WWOX: variants seen among roughly 807,000 people sequenced by gnomAD.
The protein encoded by WWOX is WW domain-containing oxidoreductase.
Under a neutral mutation model 46.2 loss-of-function variants are expected in WWOX, and 69 were observed. The observed-to-expected ratio is 1.49, with a 90% CI of 1.23 to 1.82. The LOEUF (loss-of-function observed/expected upper bound fraction) is 1.82. Ranked by LOEUF, WWOX falls within the 40% of genes most tolerant of loss-of-function variation. The pLI, the probability that WWOX is intolerant of heterozygous loss-of-function variation, is 0.00. For synonymous variants in WWOX, 359 were observed against 202.6 expected (o/e 1.77, Z -6.56); for missense variants, 919 against 542.6 (o/e 1.69, Z -6.89).
At chr16:78,426,966 T>A (rs144591511) in intron 7 of WWOX, among the ~76,000 whole-genome samples, 1 of 152,196 alleles carries the variant, frequency 6.6e-6, no homozygotes, top group Non-Finnish European at 1.5e-5. Flanking sequence ...CCGGCCTCTT[T>A]GCACATTATT....
chr16:78,201,159 C>T (rs1195848645), intron 5 of WWOX, among the ~76,000 whole-genome samples: 1 of 152,134 alleles, frequency 6.6e-6, no homozygotes, highest in African/African-American at 2.4e-5. Context: ...AAAATGTACT[C>T]ATTAATGTGG....
intron 5 of WWOX, among the ~76,000 whole-genome samples, chr16:78,176,367 C>A (rs377368814): frequency 1.3e-5 from 2 of 152,162 alleles, no homozygotes; most frequent in Non-Finnish European, 2.9e-5. Context: ...AGCTGGAGAG[C>A]GTGCAGACTC....
intron 8 of WWOX, among the ~76,000 whole-genome samples, chr16:78,771,067 C>T (rs918323572): frequency 6.6e-6 from 1 of 152,178 alleles, no homozygotes; most frequent in Non-Finnish European, 1.5e-5. Flanking sequence ...CTCAGGTCAG[C>T]CGGCATGGCA....
rs2081144241 is a variant in WWOX at position 78,349,136 on chromosome 16, G to T, written c.517-37724G>T. On this transcript the variant is annotated intron_variant, in intron 5 of 8. Coordinates refer to ENST00000566780, the MANE Select transcript of WWOX (RefSeq NM_016373.4). ...CTTCTGAGGTCTACCTCGTCTGCTTGCAGACAGCCGCCTTCCCACCGTGTT... is the reference window on the plus strand; with the variant it reads ...CTTCTGAGGTCTACCTCGTCTGCTTTCAGACAGCCGCCTTCCCACCGTGTT... Among the ~76,000 whole-genome samples the T allele has an allele frequency of 1.7e-5, 2 of 120,774 alleles. 1 individual carries two copies. The highest frequency in any genetic ancestry group is 4.0e-5 in the Non-Finnish European group (2 of 50,564). The allele number at this position is 120,774 out of a possible 152,430, so 79.2% of individuals were successfully genotyped here.
At chr16:78,265,043 C>T (rs573050959) in intron 5 of WWOX, among the ~76,000 whole-genome samples, 2 of 139,828 alleles carry the variant, frequency 1.4e-5, no homozygotes, top group Middle Eastern at 4.0e-3. Flanking sequence ...CTCCGTCGTC[C>T]AGGTTGGAGT....
chr16:79,197,973 A>C (rs1262309302), intron 8 of WWOX, among the ~76,000 whole-genome samples: 2 of 152,188 alleles, frequency 1.3e-5, no homozygotes, highest in Admixed American at 1.3e-4. Flanking sequence ...ATCTTCCCTT[A>C]TGTGTACAAC....
intron 8 of WWOX, among the ~76,000 whole-genome samples, chr16:79,061,687 G>A (rs1024968531): frequency 3.9e-5 from 6 of 152,224 alleles, no homozygotes; most frequent in South Asian, 4.1e-4. Context: ...AGTTATAGCT[G>A]CACTGAAAAC....
intron 8 of WWOX, among the ~76,000 whole-genome samples, chr16:78,941,822 C>G (rs1187646424): frequency 1.3e-5 from 2 of 152,052 alleles, no homozygotes; most frequent in African/African-American, 4.8e-5. Flanking sequence ...AAGGATTGTG[C>G]TTTTACTACT....
chr16:78,744,593 G>A (rs1006405380), intron 8 of WWOX, among the ~76,000 whole-genome samples: 2 of 151,590 alleles, frequency 1.3e-5, no homozygotes, highest in Admixed American at 6.6e-5. Flanking sequence ...CACCACACCT[G>A]GCTAATTTTT....
At chr16:78,797,842 G>C (rs796214647) in intron 8 of WWOX, among the ~76,000 whole-genome samples, 34 of 152,264 alleles carry the variant, frequency 2.2e-4, no homozygotes, top group African/African-American at 8.2e-4. Flanking sequence ...ACAAAAATTA[G>C]CTGCGCGTGG....
At chr16:79,079,192 C>T (rs986652779) in intron 8 of WWOX, among the ~76,000 whole-genome samples, 3 of 152,182 alleles carry the variant, frequency 2.0e-5, no homozygotes, top group African/African-American at 7.2e-5. Context: ...CTGTCACCAC[C>T]ACCTTTATTT....
intron 8 of WWOX, among the ~76,000 whole-genome samples, chr16:78,872,348 A>G (rs1259989491): frequency 6.6e-6 from 1 of 152,158 alleles, no homozygotes; most frequent in Non-Finnish European, 1.5e-5. Context: ...CAGACTGAGG[A>G]CTCAACAAAG....
At chr16:79,009,912 TGA>T (rs1259865272) in intron 8 of WWOX, among the ~76,000 whole-genome samples, 1 of 152,180 alleles carries the variant, frequency 6.6e-6, no homozygotes, top group Non-Finnish European at 1.5e-5. Context: ...CTTATCAAGT[TGA>T]GAGAGAAATT....
chr16:78,888,325 T>C (rs1050449569), intron 8 of WWOX, among the ~76,000 whole-genome samples: 2 of 152,186 alleles, frequency 1.3e-5, no homozygotes, highest in East Asian at 1.9e-4. Context: ...CCTTGATTTG[T>C]TGTTTCCTTC....
chr16:78,110,858 C>G (rs538648090), intron 3 of WWOX, among the ~76,000 whole-genome samples: 1 of 152,106 alleles, frequency 6.6e-6, no homozygotes, highest in Non-Finnish European at 1.5e-5. Context: ...GGCTTTGAGC[C>G]CAGCACCTGC....
chr16:78,165,904 C>T (rs2151737125), intron 5 of WWOX, among the ~76,000 whole-genome samples: 1 of 152,236 alleles, frequency 6.6e-6, no homozygotes, highest in Non-Finnish European at 1.5e-5. Context: ...CTTACTTTTT[C>T]TGATCATTTT....
chr16:78,139,487 T>C (rs969572860), intron 4 of WWOX, among the ~76,000 whole-genome samples: 1 of 152,052 alleles, frequency 6.6e-6, no homozygotes, highest in African/African-American at 2.4e-5. Flanking sequence ...CTACTAAAAA[T>C]ACAAAAAATT....
intron 8 of WWOX, among the ~76,000 whole-genome samples, chr16:78,492,390 A>G (rs1470509571): frequency 1.3e-5 from 2 of 152,228 alleles, no homozygotes; most frequent in Non-Finnish European, 1.5e-5. Context: ...GACTCTAGCA[A>G]TTAAGCCTCC....
At chr16:78,861,172 C>G (rs375102541) in intron 8 of WWOX, among the ~76,000 whole-genome samples, 5 of 151,924 alleles carry the variant, frequency 3.3e-5, no homozygotes, top group South Asian at 4.2e-4. Flanking sequence ...CTTTCTTCCT[C>G]TCTTTGCTTC....
Sources: gnomAD v4.1 joint callset for allele counts (sites outside exome capture counted in the v4.1 genomes callset) on GRCh38, gnomAD v4.1.1 for gene constraint, MANE v1.5 for transcripts, NCBI Gene and HGNC (gene_info 2026-07-23, HGNC 2026-07-21) for gene names.